The following MLLT10 variants were observed in gnomAD, a reference collection of about 807,000 sequenced individuals.
The protein encoded by MLLT10 is MLLT10 histone lysine methyltransferase DOT1L cofactor, also known as protein AF-10.
In MLLT10, 30 loss-of-function variants were observed where a neutral mutation model predicts 129.1. The observed-to-expected ratio is 0.23, with a 90% CI of 0.17 to 0.32. MLLT10 has a LOEUF of 0.32. Ranked by LOEUF, MLLT10 falls within the 10% of genes least tolerant of loss-of-function variation. The probability of loss-of-function intolerance (pLI) is 1.00; values close to 1 mark genes in which losing one functional copy is unlikely to be tolerated. For missense variants in MLLT10, 1,119 were observed against 1,268.3 expected, an observed-to-expected ratio of 0.88 and a Z score of 1.79; for synonymous variants, 490 against 446.4, an observed-to-expected ratio of 1.10 and a Z score of -1.23.
At chr10:21,619,989 G>C (rs1299000286) in intron 8 of MLLT10, among the ~76,000 whole-genome samples, 4 of 150,560 alleles carry the variant, frequency 2.7e-5, no homozygotes, top group African/African-American at 9.8e-5. Context: ...GAGTGCAGTG[G>C]CGCAGTCTCA....
intron 8 of MLLT10, among the ~76,000 whole-genome samples, chr10:21,648,651 C>G (rs1242902713): frequency 1.3e-5 from 2 of 152,106 alleles, no homozygotes; most frequent in African/African-American, 2.4e-5. Flanking sequence ...ACTTCATAGA[C>G]TAGAGTGTAT....
intron 9 of MLLT10, among the ~76,000 whole-genome samples, chr10:21,668,009 A>G (rs2051000430): frequency 6.6e-6 from 1 of 152,166 alleles, no homozygotes; most frequent in South Asian, 2.1e-4. Context: ...CAAAGTATGC[A>G]GTACTTCAGA....
chr10:21,607,352 C>T lies in MLLT10; in HGVS notation c.406-4996C>T, dbSNP rs182510348. On this transcript the variant is annotated intron_variant, in intron 5 of 22. Coordinates refer to ENST00000307729, the MANE Select transcript of MLLT10 (RefSeq NM_001195626.3). Reference sequence around the variant, plus strand: ...TTTTTTTTTTTGAGATGGAGTTTTGCTCTTGTTGCCCAGGCTGGAGTGGAA... The same window carrying T: ...TTTTTTTTTTTGAGATGGAGTTTTGTTCTTGTTGCCCAGGCTGGAGTGGAA... 9.1e-3 allele frequency among the ~76,000 whole-genome samples: 1,007 copies of T among 110,858 alleles called. 6 individuals carry two copies. The highest frequency in any genetic ancestry group is 0.015 in the Middle Eastern group (2 of 134). 72.7% of individuals were successfully genotyped at this position (110,858 alleles called of 152,430 possible). A position where few individuals can be genotyped will look rare whatever the true frequency, so the allele number is the denominator to read the frequency against.
rs552369368 is a variant in MLLT10, at chr10:21,622,514, G to A, written c.699+5307G>A. On this transcript the variant is annotated intron_variant, in intron 8 of 22. Transcript: ENST00000307729. Reference sequence around the variant, plus strand: ...TGAAAATTTGGTATATATTTTAAAAGGAACCAGAGCATATATTTAAAATCA... The same window carrying A: ...TGAAAATTTGGTATATATTTTAAAAAGAACCAGAGCATATATTTAAAATCA... 2.6e-5 allele frequency among the ~76,000 whole-genome samples: 4 copies of A among 152,086 alleles called. 1 individual carries two copies. Among genetic ancestry groups the A allele is most frequent in the Admixed American group, 2.6e-4 (4 of 15,276 alleles).
chr10:21,587,749 G>C (rs1328249749), intron 4 of MLLT10, among the ~76,000 whole-genome samples: 3 of 152,098 alleles, frequency 2.0e-5, no homozygotes, highest in Middle Eastern at 3.2e-3. Context: ...GAATGATTTT[G>C]GCTAGATATA....
rs2058152730 is a variant in MLLT10, at chr10:21,734,031, G to A, written c.2760G>A (p.Met920Ile). 1 of 1,614,040 alleles carries A rather than the reference G, an allele frequency of 6.2e-7. No homozygotes were observed. Among genetic ancestry groups the A allele is most frequent in the Non-Finnish European group, 8.5e-7 (1 of 1,180,042 alleles). Residue 920 changes from methionine (M) to isoleucine (I), a missense_variant, in exon 20 of 23, where the codon ATG (methionine) becomes ATA (isoleucine). Met to Ile is a conservative substitution (Grantham distance 10, BLOSUM62 1). Transcript: ENST00000307729. ...TTGTAGGAGCTTTAAATGGGGTTAT[G>A]CAGACTCCTGTCACAATGTCCCAGA... ...NGIVGALNGV[M>I]QTPVTMSQNP...
At position 21,538,972 on chromosome 10, in the gene MLLT10, G is replaced by C. The variant is rs937074685; in HGVS notation, c.240+60G>C. 7 of 1,214,456 alleles carry C rather than the reference G, an allele frequency of 5.8e-6. No individual in the cohort carries two copies. In the African/African-American group the frequency reaches 1.1e-4, roughly 18 times the overall value. The allele number at this position is 1,214,456 out of a possible 1,614,324, so 75.2% of individuals were successfully genotyped here. A position where few individuals can be genotyped will look rare whatever the true frequency, so the allele number is the denominator to read the frequency against. On this transcript the variant is annotated intron_variant, in intron 3 of 22. Coordinates refer to ENST00000307729, the MANE Select transcript of MLLT10 (RefSeq NM_001195626.3). ...TGAGTAGGTTAGGAAATTAGGAACT[G>C]CACTCCTGTTGTGGTTTGTGGGGTT...
intron 5 of MLLT10, among the ~76,000 whole-genome samples, chr10:21,600,537 G>A (rs2043424650): frequency 6.6e-6 from 1 of 152,080 alleles, no homozygotes; most frequent in Admixed American, 6.6e-5. Flanking sequence ...ATGTATTAAC[G>A]AGATGATAAT....
chr10:21,547,093 C>T (rs2036205575), intron 3 of MLLT10, among the ~76,000 whole-genome samples: 1 of 152,022 alleles, frequency 6.6e-6, no homozygotes, highest in Admixed American at 6.6e-5. Context: ...TGGTCTCAAA[C>T]TCCTGACCTC....
At chr10:21,535,810 A>G (rs1300142445) in intron 2 of MLLT10, among the ~76,000 whole-genome samples, 3 of 152,346 alleles carry the variant, frequency 2.0e-5, no homozygotes, top group South Asian at 4.1e-4. Context: ...AAATTTGAAC[A>G]TCTGCTAAAG....
chr10:21,740,244 T>C lies in MLLT10; in HGVS notation c.3162+8T>C, dbSNP rs1277315687. ...GCAAGTCAGAAAGTAGCAGTAAGTA[T>C]ATTTTCCTTACTACATCTAATGAAA... is the stretch of plus-strand genomic sequence containing the variant. On this transcript the variant is annotated splice_region_variant and intron_variant, in intron 22 of 22. Transcript: ENST00000307729. 1 of 1,611,070 alleles carries C rather than the reference T, an allele frequency of 6.2e-7. No homozygotes were observed. Among genetic ancestry groups the C allele is most frequent in the Admixed American group, 1.7e-5 (1 of 60,018 alleles).
rs576084608 is a variant in MLLT10 at position 21,595,735 on chromosome 10, C to T, written c.405+295C>T. Among the ~76,000 whole-genome samples, 10 of 152,118 alleles carry T rather than the reference C, an allele frequency of 6.6e-5. No individual in the cohort carries two copies. The South Asian group carries it at 1.0e-3, about 16-fold the overall frequency. On this transcript the variant is annotated intron_variant, in intron 5 of 22. Transcript: ENST00000307729. ...CTTTATGAATTACTGACCTCTTTTG[C>T]GCTTTCAAGTATCAAGAGCCTGTTA...
intron 3 of MLLT10, among the ~76,000 whole-genome samples, chr10:21,540,300 G>C (rs1260829226): frequency 5.3e-5 from 8 of 151,934 alleles, no homozygotes; most frequent in African/African-American, 1.9e-4. Context: ...TAAGACGGGA[G>C]AATCGCTTGA....
At chr10:21,656,364 T>G (rs773476600) in intron 9 of MLLT10, among the ~76,000 whole-genome samples, 7 of 152,186 alleles carry the variant, frequency 4.6e-5, no homozygotes, top group Non-Finnish European at 8.8e-5. Context: ...TGTAATATTT[T>G]GATACATGTA....
Position 21,673,365 on chromosome 10 carries a change from C to T in MLLT10, c.1067C>T (p.Thr356Ile). 1 of 997,764 alleles carries T rather than the reference C, an allele frequency of 1.0e-6. No individual in the cohort carries two copies. The highest frequency in any genetic ancestry group is 1.3e-6 in the Non-Finnish European group (1 of 763,226). The allele number at this position is 997,764 out of a possible 1,614,324, so 61.8% of individuals were successfully genotyped here. The change falls in exon 11 of 23, where the codon ACT becomes ATT. Residue 356 changes from threonine to isoleucine, a missense_variant. By Grantham distance (89) the Thr-to-Ile change is moderately conservative (BLOSUM62 -1). This residue lies in a region of MLLT10 where 1,004 missense variants were observed against 1,008.7 expected (regional missense o/e 1.00). Coordinates refer to ENST00000307729, the MANE Select transcript of MLLT10 (RefSeq NM_001195626.3). ...SPFPQGSFSGTPGSVKSSSGS... is the reference protein window; with the variant it reads ...SPFPQGSFSGIPGSVKSSSGS... Reference sequence around the variant, plus strand: ...TAAACTACAGGCAGTTTTTCAGGAACTCCAGGCAGTGTAAAGTCATCTTCT... The same window carrying T: ...TAAACTACAGGCAGTTTTTCAGGAATTCCAGGCAGTGTAAAGTCATCTTCT...
chr10:21,726,807 A>G (rs958163223), intron 15 of MLLT10, among the ~76,000 whole-genome samples: 3 of 146,204 alleles, frequency 2.1e-5, no homozygotes, highest in East Asian at 4.1e-4. Flanking sequence ...TCTCAGTTCT[A>G]TGCAATGAAA....
At chr10:21,672,117 T>C (rs944637301) in intron 10 of MLLT10, among the ~76,000 whole-genome samples, 4 of 152,008 alleles carry the variant, frequency 2.6e-5, no homozygotes, top group African/African-American at 9.7e-5. Flanking sequence ...GCATTTGTTA[T>C]AAAGTTTGAA....
At chr10:21,688,368 C>G (rs1393189604) in intron 13 of MLLT10, 1 of 747,798 alleles carries the variant, frequency 1.3e-6, no homozygotes, top group Non-Finnish European at 2.3e-6. Context: ...GGATTTTAAC[C>G]CTGATGATCC....
chr10:21,717,158 C>T (rs1315318214), intron 14 of MLLT10, among the ~76,000 whole-genome samples: 1 of 143,650 alleles, frequency 7.0e-6, no homozygotes, highest in Non-Finnish European at 1.5e-5. Flanking sequence ...GAGGCTGAGG[C>T]AGGAGAATTG....
Sources: gnomAD v4.1 joint callset for allele counts (sites outside exome capture counted in the v4.1 genomes callset) on GRCh38, gnomAD v4.1.1 for gene constraint, gnomAD v4.1.1 regional missense constraint, MANE v1.5 for transcripts, NCBI Gene and HGNC (gene_info 2026-07-23, HGNC 2026-07-21) for gene names.